Variants in COL13A1 observed in about 807,000 individuals in gnomAD.
COL13A1 encodes collagen alpha-1(XIII) chain.
A neutral mutation model predicts 130.9 loss-of-function variants in COL13A1; 89 were observed. The observed-to-expected ratio is 0.68, with a 90% confidence interval of 0.57 to 0.81. The LOEUF is 0.81. COL13A1 is among the 30% of genes least tolerant of loss of function. The pLI, the probability that COL13A1 is intolerant of heterozygous loss-of-function variation, is 0.00. For synonymous variants in COL13A1, 402 were observed against 341.6 expected, an observed-to-expected ratio of 1.18 and a Z score of -1.95; for missense variants, 879 against 934.6, an observed-to-expected ratio of 0.94 and a Z score of 0.78.
Position 69,902,854 on chromosome 10 carries a change from C to G in COL13A1, c.857C>G (p.Pro286Arg). The G allele has an allele frequency of 6.6e-7, 1 of 1,524,664 alleles. No homozygotes were observed. Among genetic ancestry groups the G allele is most frequent in the Non-Finnish European group, 8.8e-7 (1 of 1,131,884 alleles). The allele number at this position is 1,524,664 out of a possible 1,614,324, so 94.4% of individuals were successfully genotyped here. A position where few individuals can be genotyped will look rare whatever the true frequency, so the allele number is the denominator to read the frequency against. Reference sequence around the variant, plus strand: ...GGACTGCCAGGGCCTATGGGGCCACCTGTAAGTATTCCCTTCCTCTCTCCT... The same window carrying G: ...GGACTGCCAGGGCCTATGGGGCCACGTGTAAGTATTCCCTTCCTCTCTCCT... The part of the protein sequence containing the change: ...HPGLPGPMGP[P>R]GLPGPPGPKG... The change falls in exon 15 of 41, where the codon CCT (proline) becomes CGT (arginine). Residue 286 changes from proline to arginine, a missense_variant and splice_region_variant. By Grantham distance (103) the Pro-to-Arg change is moderately radical (BLOSUM62 -2). Transcript: ENST00000645393.
chr10:69,852,036 T>G (rs1344909181), intron 2 of COL13A1, among the ~76,000 whole-genome samples: 3 of 152,312 alleles, frequency 2.0e-5, no homozygotes, highest in South Asian at 2.1e-4. Flanking sequence ...GAGGATTTTT[T>G]TCTGTTTCCC....
chr10:69,922,566 C>T (rs2064823531), intron 22 of COL13A1, 142 bp from the exon 23 acceptor site: 1 of 538,952 alleles, frequency 1.9e-6, no homozygotes, highest in African/African-American at 1.9e-5. Context: ...CTTCAAATCC[C>T]ACAGCTGGAT....
chr10:69,895,811 G>A (rs1278678227), intron 13 of COL13A1, among the ~76,000 whole-genome samples: 2 of 152,132 alleles, frequency 1.3e-5, no homozygotes, highest in East Asian at 3.9e-4. Flanking sequence ...CTCATCACCC[G>A]TGCGTGTCTG....
intron 2 of COL13A1, among the ~76,000 whole-genome samples, chr10:69,831,626 T>C (rs992509418): frequency 2.6e-5 from 4 of 152,192 alleles, no homozygotes; most frequent in African/African-American, 9.6e-5. Flanking sequence ...ATAAGTTATG[T>C]ATGAAATTTT....
intron 24 of COL13A1, among the ~76,000 whole-genome samples, chr10:69,924,588 G>A (rs1163371267): frequency 6.6e-6 from 1 of 151,858 alleles, no homozygotes; most frequent in Admixed American, 6.6e-5. Flanking sequence ...CCAGACAATT[G>A]GCAAAAAGCT....
chr10:69,950,756 T>C (rs1303270557), intron 38 of COL13A1, among the ~76,000 whole-genome samples: 1 of 152,236 alleles, frequency 6.6e-6, no homozygotes, highest in Non-Finnish European at 1.5e-5. Flanking sequence ...AAAATTCATT[T>C]AGAATAATGC....
At chr10:69,908,263 T>C (rs2062997784) in intron 17 of COL13A1, among the ~76,000 whole-genome samples, 1 of 152,202 alleles carries the variant, frequency 6.6e-6, no homozygotes, top group Non-Finnish European at 1.5e-5. Context: ...CACATGGCTT[T>C]ATGGGTGCCT....
Position 69,898,728 on chromosome 10 carries a change from C to G in COL13A1, c.716C>G (p.Ala239Gly). Residue 239 changes from alanine to glycine, a missense_variant, in exon 14 of 41, where the codon GCT (alanine) becomes GGT (glycine). Physicochemically the swap from Ala to Gly is moderately conservative, Grantham distance 60 (BLOSUM62 0). Around this residue, in one of 3 missense-constraint regions of COL13A1, gnomAD observed 715 missense variants for 721.0 expected, o/e 0.99. Coordinates refer to ENST00000645393, the MANE Select transcript of COL13A1 (RefSeq NM_001368882.1). ...CCTCTCCTCAATTCAGTGCGACTGGCTCCACCCCCGGTCATAAAAAGGCGG... is the reference window on the plus strand; with the variant it reads ...CCTCTCCTCAATTCAGTGCGACTGGGTCCACCCCCGGTCATAAAAAGGCGG... Reference protein sequence around the residue: ...LLPLLNSVRLAPPPVIKRRTF... With the variant: ...LLPLLNSVRLGPPPVIKRRTF... 1 of 1,613,562 alleles carries G rather than the reference C, an allele frequency of 6.2e-7. No homozygotes were observed. The highest frequency in any genetic ancestry group is 8.5e-7 in the Non-Finnish European group (1 of 1,179,660).
intron 14 of COL13A1, among the ~76,000 whole-genome samples, chr10:69,901,040 C>T (rs977409184): frequency 1.3e-5 from 2 of 152,140 alleles, no homozygotes; most frequent in East Asian, 1.9e-4. Context: ...GAGGAGGTTC[C>T]GGGACCCAAG....
rs1413272343 is a variant in COL13A1, at chr10:69,927,503, AC to A, written c.1422+395del. ...ATTAAATCCTGAAAAACTAGTAGCA[AC>A]CTACCACGTATCCCCCTTTCCTGGA... On this transcript the variant is annotated intron_variant, in intron 27 of 40. Transcript: ENST00000645393. Among the ~76,000 whole-genome samples, 16 of 152,304 alleles carry A rather than the reference AC, an allele frequency of 1.1e-4. No individual in the cohort carries two copies. The South Asian group carries it at 2.7e-3, about 26-fold the overall frequency.
intron 36 of COL13A1, 47 bp from the exon 37 acceptor site, chr10:69,945,624 T>C (rs1349749342): frequency 1.9e-6 from 3 of 1,595,866 alleles, no homozygotes; most frequent in Admixed American, 1.7e-5. Context: ...CAAGGAAGAT[T>C]GTTACCGTGT....
intron 2 of COL13A1, among the ~76,000 whole-genome samples, chr10:69,842,306 C>T (rs561180734): frequency 6.6e-6 from 1 of 152,324 alleles, no homozygotes; most frequent in East Asian, 1.9e-4. Flanking sequence ...GGTTGTGGGG[C>T]CTCCCCAACC....
In COL13A1 at chr10:69,922,701, C is replaced by A; in HGVS notation, c.1144-7C>A. 6.3e-7 allele frequency: 1 copy of A among 1,599,998 alleles called. No individual in the cohort carries two copies. The highest frequency in any genetic ancestry group is 8.5e-7 in the Non-Finnish European group (1 of 1,173,668). On this transcript the variant is annotated splice_polypyrimidine_tract_variant and splice_region_variant and intron_variant, in intron 22 of 40. Transcript: ENST00000645393. ...CCAGGGATGCTAACTCCACCTTCCA[C>A]CCCCAGGGAGAGAAAGGCGATGCTG...
At chr10:69,833,741 G>A (rs1230703849) in intron 2 of COL13A1, among the ~76,000 whole-genome samples, 1 of 152,130 alleles carries the variant, frequency 6.6e-6, no homozygotes, top group African/African-American at 2.4e-5. Context: ...CTGAACAACT[G>A]TGTTTTTTCC....
rs201423245 is a variant in COL13A1, at chr10:69,929,996, G to A, written c.1486-47G>A. Reference sequence around the variant, plus strand: ...ACTAAGCAATGCGTAACTGATGGCTGCTATGTTCTCTGCCCTGAGAGTCAC... The same window carrying A: ...ACTAAGCAATGCGTAACTGATGGCTACTATGTTCTCTGCCCTGAGAGTCAC... On this transcript the variant is annotated intron_variant, in intron 28 of 40. Coordinates refer to ENST00000645393, the MANE Select transcript of COL13A1 (RefSeq NM_001368882.1). 1,313 of 1,567,242 alleles carry A rather than the reference G, an allele frequency of 8.4e-4. 2 individuals carry two copies. Among genetic ancestry groups the A allele is most frequent in the Middle Eastern group, 1.8e-3 (11 of 5,982 alleles).
In COL13A1 at chr10:69,928,952, C is replaced by T. The variant is rs546580656; in HGVS notation, c.1438C>T (p.Pro480Ser). 3.7e-6 allele frequency: 6 copies of T among 1,613,406 alleles called. No homozygotes were observed. Among genetic ancestry groups the T allele is most frequent in the Non-Finnish European group, 5.1e-6 (6 of 1,179,624 alleles). The part of the protein sequence containing the change: ...TLALMGPPGL[P>S]GQIGPPGAPG... ...TCTCTCCTAGGGGCCTCCTGGTCTT[C>T]CTGGGCAAATTGGCCCACCTGGAGC... Residue 480 changes from proline (P) to serine (S), a missense_variant, in exon 28 of 41, where the codon CCT (proline) becomes TCT (serine). Pro to Ser is a moderately conservative substitution (Grantham distance 74). Transcript: ENST00000645393.
At chr10:69,924,094 C>T (rs1234487935) in intron 24 of COL13A1, among the ~76,000 whole-genome samples, 2 of 152,176 alleles carry the variant, frequency 1.3e-5, no homozygotes, top group Non-Finnish European at 2.9e-5. Flanking sequence ...GCTTCCCGAG[C>T]CATTGGTAAA....
chr10:69,950,871 G>A (rs989430492), intron 38 of COL13A1, among the ~76,000 whole-genome samples: 5 of 152,072 alleles, frequency 3.3e-5, no homozygotes, highest in Admixed American at 1.3e-4. Flanking sequence ...GTTTGTTTGT[G>A]AGAGTCTCAC....
chr10:69,808,808 AG>A (rs1339981389), intron 1 of COL13A1, among the ~76,000 whole-genome samples: 1 of 152,186 alleles, frequency 6.6e-6, no homozygotes, highest in Non-Finnish European at 1.5e-5. Context: ...AGGCTGGGGA[AG>A]GTTTATTAGT....
Sources: gnomAD v4.1 joint callset for allele counts (sites outside exome capture counted in the v4.1 genomes callset) on GRCh38, gnomAD v4.1.1 for gene constraint, gnomAD v4.1.1 regional missense constraint, MANE v1.5 for transcripts, NCBI Gene and HGNC (gene_info 2026-07-23, HGNC 2026-07-21) for gene names.